Variants in CACNA1A observed in about 807,000 individuals in gnomAD.
The protein encoded by CACNA1A is voltage-dependent P/Q-type calcium channel subunit alpha-1A.
In CACNA1A, 57 loss-of-function variants were observed where a neutral mutation model predicts 262.4. The observed-to-expected ratio is 0.22, with a 90% confidence interval of 0.18 to 0.27. The LOEUF is 0.27. CACNA1A is among the 10% of genes least tolerant of loss of function. The pLI is 1.00. For missense variants in CACNA1A, 2,526 were observed against 3,562.8 expected (o/e 0.71, Z 7.41); for synonymous variants, 1,431 against 1,419.3 (o/e 1.01, Z -0.18).
Position 13,235,258 on chromosome 19 carries a change from C to A in CACNA1A, c.5084G>T (p.Cys1695Phe). 1.3e-6 allele frequency: 2 copies of A among 1,596,752 alleles called. No individual in the cohort carries two copies. The highest frequency in any genetic ancestry group is 8.5e-7 in the Non-Finnish European group (1 of 1,171,750). Residue 1695 changes from cysteine to phenylalanine, a missense_variant, in exon 33 of 47, where the codon TGT becomes TTT. Cys to Phe is a radical substitution (Grantham distance 205). Transcript: ENST00000360228. ...VQSFKALPYV[C>F]LLIAMLFFIY... is the part of the protein sequence containing the mutation. ...GAAGAAGAGCATGGCGATCAGCAGA[C>A]AGACATAAGGCAGGGCCTGGTGGGA... is the stretch of plus-strand genomic sequence containing the variant.
chr19:13,238,019 G>A (rs985824109), intron 31 of CACNA1A, among the ~76,000 whole-genome samples: 10 of 152,176 alleles, frequency 6.6e-5, no homozygotes, highest in African/African-American at 1.4e-4. Context: ...AGGGAGATGC[G>A]TGCAGAAAAC....
At chr19:13,376,915 T>C (rs1174963026) in intron 3 of CACNA1A, among the ~76,000 whole-genome samples, 6 of 143,514 alleles carry the variant, frequency 4.2e-5, no homozygotes, top group African/African-American at 1.5e-4. Context: ...TAATTTATAT[T>C]ACATATATGT....
chr19:13,229,943 C>A (rs774044967), intron 36 of CACNA1A, 139 bp downstream of exon 36: 46 of 936,528 alleles, frequency 4.9e-5, no homozygotes, highest in Non-Finnish European at 6.8e-5. Context: ...CTTATATCTT[C>A]TCTCCTGACT....
In CACNA1A at chr19:13,239,522, T is replaced by C. The variant is rs149794490; in HGVS notation, c.4951-3792A>G. Among the ~76,000 whole-genome samples the C allele has an allele frequency of 2.7e-3, 405 of 152,296 alleles. 2 individuals are homozygous for C. The highest frequency in any genetic ancestry group is 9.3e-3 in the African/African-American group (387 of 41,552). Reference sequence around the variant, plus strand: ...GTGTCTGCTTCTGCCCATAATTCCATCTGTGGCACCAAATAGGGGCTCATT... The same window carrying C: ...GTGTCTGCTTCTGCCCATAATTCCACCTGTGGCACCAAATAGGGGCTCATT... On this transcript the variant is annotated intron_variant, in intron 31 of 46. Coordinates refer to ENST00000360228, the MANE Select transcript of CACNA1A (RefSeq NM_001127222.2).
chr19:13,319,141 C>T (rs958279388), intron 10 of CACNA1A, among the ~76,000 whole-genome samples: 2 of 152,090 alleles, frequency 1.3e-5, no homozygotes, highest in South Asian at 2.1e-4. Context: ...GCGATCCTCC[C>T]GCCTCAGCGT....
At chr19:13,325,155 C>T (rs8101933) in intron 10 of CACNA1A, among the ~76,000 whole-genome samples, 33,092 of 140,092 alleles carry the variant, frequency 0.24, 5,083 homozygotes, top group African/African-American at 0.44. Context: ...CTTCTTCTTC[C>T]TTCTTCCTTC....
At chr19:13,301,380 G>A (rs1006833660) in intron 17 of CACNA1A, among the ~76,000 whole-genome samples, 4 of 152,182 alleles carry the variant, frequency 2.6e-5, no homozygotes, top group Non-Finnish European at 5.9e-5. Flanking sequence ...ACACAGAAGA[G>A]CCTGGCATCC....
intron 28 of CACNA1A, 101 bp downstream of exon 28, chr19:13,257,249 C>A (rs1309098566): frequency 2.2e-6 from 2 of 915,710 alleles, no homozygotes; most frequent in East Asian, 5.1e-5. Context: ...TCTGTTCCCT[C>A]CCCCAGGTAC....
Position 13,214,422 on chromosome 19 carries a change from A to T in CACNA1A, c.5839+79T>A. The T allele has an allele frequency of 1.3e-6, 2 of 1,539,446 alleles. No individual in the cohort carries two copies. Among genetic ancestry groups the T allele is most frequent in the Non-Finnish European group, 1.8e-6 (2 of 1,118,872 alleles). ...CCTGTGTATACCAGCCCAGGCCAAC[A>T]CTCTCCCCAGGCCTCCCCTTTCCCT... On this transcript the variant is annotated intron_variant, in intron 39 of 46. Coordinates refer to ENST00000360228, the MANE Select transcript of CACNA1A (RefSeq NM_001127222.2). The surrounding 1 kb of genome is among the most constrained non-coding windows in gnomAD (Gnocchi z 4.1).
intron 24 of CACNA1A, among the ~76,000 whole-genome samples, chr19:13,269,864 A>G (rs2056971582): frequency 6.6e-6 from 1 of 152,206 alleles, no homozygotes; most frequent in Non-Finnish European, 1.5e-5. Context: ...GTGGGACCAC[A>G]GGGATAGTTT....
intron 15 of CACNA1A, among the ~76,000 whole-genome samples, chr19:13,305,249 G>A (rs1234116307): frequency 6.6e-6 from 1 of 152,106 alleles, no homozygotes; most frequent in Admixed American, 6.5e-5. Flanking sequence ...ATCCACCAAC[G>A]GCTGCTCCTT....
chr19:13,434,044 T>C (rs2060568202), intron 3 of CACNA1A, among the ~76,000 whole-genome samples: 2 of 152,210 alleles, frequency 1.3e-5, no homozygotes, highest in African/African-American at 4.8e-5. Flanking sequence ...TTTCTGAACG[T>C]CAGTTTTCTC....
chr19:13,345,895 C>CTTTTT (rs55982966), intron 6 of CACNA1A, among the ~76,000 whole-genome samples: 10 of 100,532 alleles, frequency 9.9e-5, no homozygotes, highest in African/African-American at 2.6e-4. Flanking sequence ...TTCACGAAGT[C>CTTTTT]TTTTTTTTTT....
In CACNA1A at chr19:13,206,664, A is replaced by AG. The variant is rs2054578269; in HGVS notation, c.*648_*649insC. On this transcript the variant is annotated 3_prime_UTR_variant, in exon 47 of 47. Coordinates refer to ENST00000360228, the MANE Select transcript of CACNA1A (RefSeq NM_001127222.2). Reference sequence around the variant, plus strand: ...ATCATTAATTTTTTTGTCCTTTTTAAAATTGTTTATTGTTATTATTATTTT... The same window carrying AG: ...ATCATTAATTTTTTTGTCCTTTTTAAGAATTGTTTATTGTTATTATTATTTT... 4 of 123,740 alleles carry AG rather than the reference A, an allele frequency of 3.2e-5. No homozygotes were observed. In the South Asian group the frequency reaches 1.2e-3, roughly 36 times the overall value. 7.7% of individuals were successfully genotyped at this position (123,740 alleles called of 1,614,324 possible).
rs190603219 is a variant in CACNA1A, at chr19:13,308,499, G to A, written c.1698C>T (p.Ile566=). The A allele has an allele frequency of 1.7e-3, 2,724 of 1,613,140 alleles. 39 individuals are homozygous for A. The highest frequency in any genetic ancestry group is 3.4e-3 in the East Asian group (151 of 44,882). The stretch of plus-strand genomic sequence containing the variant: ...ATGTGCCAGGTTTTATGACAGCCCA[G>A]ATGACCTCGAAGATGCTCCCAATGA... ...GVIIGSIFEV[I]WAVIKPGTSF... Residue 566 remains isoleucine (I), a synonymous_variant, in exon 13 of 47, where the codon ATC becomes ATT. Transcript: ENST00000360228. This position sits in a 1 kb window ranked among gnomAD's most constrained non-coding sequence, Gnocchi z 4.2.
intron 6 of CACNA1A, among the ~76,000 whole-genome samples, chr19:13,351,066 A>C (rs2058899212): frequency 6.6e-6 from 1 of 152,194 alleles, no homozygotes; most frequent in African/African-American, 2.4e-5. Flanking sequence ...CATAATATCC[A>C]CATCCCTGGG....
chr19:13,285,135 G>C lies in CACNA1A; in HGVS notation c.3625C>G (p.Arg1209Gly), dbSNP rs781026181. 3 of 1,613,784 alleles carry C rather than the reference G, an allele frequency of 1.9e-6. No individual in the cohort carries two copies. The highest frequency in any genetic ancestry group is 2.7e-5 in the African/African-American group (2 of 74,898). ...ATTGGCTTAGGGCCGTCTTCCCCAC[G>C]GTCGTCTTCCTCCTCCTCCTTCTTC... Reference protein sequence around the residue: ...EEKKEEEEDDRGEDGPKPMPP... With the variant: ...EEKKEEEEDDGGEDGPKPMPP... Residue 1209 changes from arginine (R) to glycine (G), a missense_variant, in exon 21 of 47, where the codon CGT becomes GGT. Arg to Gly is a moderately radical substitution (Grantham distance 125). Coordinates refer to ENST00000360228, the MANE Select transcript of CACNA1A (RefSeq NM_001127222.2).
At chr19:13,324,858 A>G (rs1360049880) in intron 10 of CACNA1A, among the ~76,000 whole-genome samples, 1 of 152,228 alleles carries the variant, frequency 6.6e-6, no homozygotes, top group African/African-American at 2.4e-5. Flanking sequence ...TGAGTGACAG[A>G]GCAAGAACCT....
chr19:13,222,322 G>A (rs1002802590), intron 38 of CACNA1A, among the ~76,000 whole-genome samples: 5 of 151,580 alleles, frequency 3.3e-5, no homozygotes, highest in Non-Finnish European at 7.4e-5. Context: ...GATTACAGGC[G>A]TGAACCACTG....
Sources: allele counts gnomAD v4.1 joint callset (sites outside exome capture counted in the v4.1 genomes callset), GRCh38; gene constraint gnomAD v4.1.1; non-coding constraint Gnocchi (gnomAD v3.1); transcripts MANE v1.5; gene names NCBI Gene and HGNC (gene_info 2026-07-23, HGNC 2026-07-21).